Variants in ADAMTSL1 observed in about 807,000 individuals in gnomAD.
The protein encoded by ADAMTSL1 is ADAMTS like 1.
Under a neutral mutation model 201.8 loss-of-function variants are expected in ADAMTSL1, and 126 were observed. The observed-to-expected ratio is 0.62, with a 90% CI of 0.54 to 0.72. ADAMTSL1 has a LOEUF of 0.72. Among genes scored for constraint, ADAMTSL1 ranks in the 30% least tolerant of loss-of-function variants. The pLI is 0.00. For synonymous variants in ADAMTSL1, 1,121 were observed against 903.4 expected, an observed-to-expected ratio of 1.24 and a Z score of -4.32; for missense variants, 2,679 against 2,277.8, an observed-to-expected ratio of 1.18 and a Z score of -3.59.
At chr9:18,574,489 C>G (rs749127003) in intron 4 of ADAMTSL1, 12 of 596,722 alleles carry the variant, frequency 2.0e-5, no homozygotes, top group Non-Finnish European at 3.0e-5. Flanking sequence ...CCTTGAGTGT[C>G]ACTTGAATAT....
At chr9:18,243,968 T>C (rs1337327523) in intron 2 of ADAMTSL1, among the ~76,000 whole-genome samples, 2 of 152,152 alleles carry the variant, frequency 1.3e-5, no homozygotes, top group East Asian at 1.9e-4. Flanking sequence ...TTCAATGAGA[T>C]GTCAAAGGTA....
chr9:18,134,495 C>G (rs1043457780), intron 1 of ADAMTSL1, among the ~76,000 whole-genome samples: 5 of 152,126 alleles, frequency 3.3e-5, no homozygotes, highest in Non-Finnish European at 7.4e-5. Context: ...CCTAAGGATT[C>G]TGTAAAAAGT....
intron 2 of ADAMTSL1, among the ~76,000 whole-genome samples, chr9:18,299,393 T>C (rs564929883): frequency 6.6e-6 from 1 of 152,214 alleles, no homozygotes; most frequent in Non-Finnish European, 1.5e-5. Flanking sequence ...CGATTTTAAA[T>C]GAATGCCATG....
chr9:18,888,935 C>T (rs1210214243), intron 24 of ADAMTSL1, among the ~76,000 whole-genome samples: 1 of 152,186 alleles, frequency 6.6e-6, no homozygotes, highest in Non-Finnish European at 1.5e-5. Flanking sequence ...CTGCTGAAAA[C>T]CAGAAGCCAG....
intron 2 of ADAMTSL1, among the ~76,000 whole-genome samples, chr9:18,201,846 T>C (rs989342704): frequency 2.0e-5 from 3 of 152,174 alleles, no homozygotes; most frequent in African/African-American, 7.2e-5. Context: ...ATAGGAATGA[T>C]AATGCCTATA....
At chr9:18,761,701 C>T (rs1006755594) in intron 16 of ADAMTSL1, among the ~76,000 whole-genome samples, 3 of 152,192 alleles carry the variant, frequency 2.0e-5, no homozygotes, top group African/African-American at 7.2e-5. Flanking sequence ...CATCTTAGCA[C>T]ATTCACAAAG....
intron 2 of ADAMTSL1, among the ~76,000 whole-genome samples, chr9:18,302,829 T>G (rs1833759186): frequency 6.6e-6 from 1 of 152,212 alleles, no homozygotes; most frequent in African/African-American, 2.4e-5. Flanking sequence ...GGCAGTTTAC[T>G]TTTTAACTTT....
At chr9:18,374,249 T>A (rs376407651) in intron 2 of ADAMTSL1, among the ~76,000 whole-genome samples, 1 of 152,228 alleles carries the variant, frequency 6.6e-6, no homozygotes, top group South Asian at 2.1e-4. Flanking sequence ...AAAGGTGCAG[T>A]TCTGAAAGAG....
At chr9:18,501,027 A>G (rs1342432501) in intron 1 of ADAMTSL1, among the ~76,000 whole-genome samples, 1 of 152,216 alleles carries the variant, frequency 6.6e-6, no homozygotes, top group African/African-American at 2.4e-5. Context: ...AAATCATTGA[A>G]AAACATTGGC....
chr9:18,521,211 A>G (rs1323122983), intron 2 of ADAMTSL1, among the ~76,000 whole-genome samples: 2 of 152,174 alleles, frequency 1.3e-5, no homozygotes, highest in East Asian at 3.8e-4. Flanking sequence ...AGAACATTGT[A>G]AGCAAATTTC....
intron 2 of ADAMTSL1, among the ~76,000 whole-genome samples, chr9:18,299,816 G>T (rs1833629350): frequency 6.6e-6 from 1 of 152,126 alleles, no homozygotes; most frequent in Non-Finnish European, 1.5e-5. Context: ...AAATATGAAA[G>T]ACATCTACAC....
intron 2 of ADAMTSL1, among the ~76,000 whole-genome samples, chr9:18,252,067 AT>A (rs1273296541): frequency 1.3e-5 from 2 of 152,150 alleles, no homozygotes; most frequent in Non-Finnish European, 2.9e-5. Flanking sequence ...AAGAAAAAAA[AT>A]GAACCATGTA....
At chr9:17,956,290 G>C (rs945453449) in intron 1 of ADAMTSL1, among the ~76,000 whole-genome samples, 15 of 152,108 alleles carry the variant, frequency 9.9e-5, no homozygotes, top group African/African-American at 3.6e-4. Context: ...TACATGCAAA[G>C]AATAGTTTGA....
chr9:18,504,976 G>C lies in ADAMTSL1; in HGVS notation c.191+20G>C, dbSNP rs755856772. 1 of 1,593,456 alleles carries C rather than the reference G, an allele frequency of 6.3e-7. No homozygotes were observed. The highest frequency in any genetic ancestry group is 8.5e-7 in the Non-Finnish European group (1 of 1,175,866). Reference sequence around the variant, plus strand: ...CAGCAAGTAAGTCCTGCACCCGTTGGGGGTCTTTGTGAGAACCAGAGGTAG... The same window carrying C: ...CAGCAAGTAAGTCCTGCACCCGTTGCGGGTCTTTGTGAGAACCAGAGGTAG... On this transcript the variant is annotated intron_variant, in intron 2 of 28. Transcript: ENST00000380548.
At chr9:18,022,604 T>G (rs947921) in intron 1 of ADAMTSL1, among the ~76,000 whole-genome samples, 4,179 of 152,244 alleles carry the variant, frequency 0.027, 86 homozygotes, top group African/African-American at 0.064. Context: ...AATGTGATTT[T>G]TATGTGTGTA....
intron 20 of ADAMTSL1, among the ~76,000 whole-genome samples, chr9:18,815,738 GA>G (rs1268709164): frequency 6.8e-4 from 83 of 122,958 alleles, no homozygotes; most frequent in South Asian, 3.0e-3. Flanking sequence ...AAAAAAAAGA[GA>G]AAAAAAAAAG....
At chr9:18,386,161 A>G (rs1438218012) in intron 2 of ADAMTSL1, among the ~76,000 whole-genome samples, 1 of 152,188 alleles carries the variant, frequency 6.6e-6, no homozygotes, top group Non-Finnish European at 1.5e-5. Context: ...CTCACTGTCT[A>G]AGAGTTGCTT....
chr9:18,580,809 G>T (rs942116389), intron 4 of ADAMTSL1, among the ~76,000 whole-genome samples: 3 of 152,122 alleles, frequency 2.0e-5, no homozygotes, highest in African/African-American at 7.2e-5. Context: ...GATAGTCCCT[G>T]CCCTTCCAGA....
chr9:18,063,021 A>G (rs10810896), intron 1 of ADAMTSL1, among the ~76,000 whole-genome samples: 91,458 of 151,946 alleles, frequency 0.6, 27,582 homozygotes, highest in African/African-American at 0.64. Flanking sequence ...CTATTCCATA[A>G]GTTTTCATAT....
Sources: allele counts gnomAD v4.1 joint callset (sites outside exome capture counted in the v4.1 genomes callset), GRCh38; gene constraint gnomAD v4.1.1; transcripts MANE v1.5; gene names NCBI Gene and HGNC (gene_info 2026-07-23, HGNC 2026-07-21).